Variants in SLC13A3 observed in about 807,000 individuals in gnomAD.
SLC13A3 encodes solute carrier family 13 member 3.
A neutral mutation model predicts 59.0 loss-of-function variants in SLC13A3; 40 were observed. The observed-to-expected ratio is 0.68, with a 90% CI of 0.53 to 0.88. The LOEUF (loss-of-function observed/expected upper bound fraction) is 0.88, where lower values mean the gene tolerates loss of function less well. SLC13A3 is among the 40% of genes least tolerant of loss of function. The pLI is 0.00. For synonymous variants in SLC13A3, 317 were observed against 330.3 expected (o/e 0.96, Z 0.44); for missense variants, 699 against 783.2 (o/e 0.89, Z 1.28).
At chr20:46,671,813 A>T (rs930430349), upstream of SLC13A3, among the ~76,000 whole-genome samples, 2 of 152,168 alleles carry the variant, frequency 1.3e-5, no homozygotes, top group East Asian at 3.9e-4. Flanking sequence ...CTCTGAGCTG[A>T]GGGCCTCCCT....
chr20:46,674,885 C>T (rs991134472), upstream of SLC13A3, among the ~76,000 whole-genome samples: 2 of 152,046 alleles, frequency 1.3e-5, no homozygotes, highest in African/African-American at 4.8e-5. Flanking sequence ...AATACAGAGG[C>T]TGTGGGGGGC....
intron 1 of SLC13A3, among the ~76,000 whole-genome samples, chr20:46,618,371 G>T (rs1793417194): frequency 6.6e-6 from 1 of 152,218 alleles, no homozygotes; most frequent in African/African-American, 2.4e-5. Context: ...TGGAGCAAAG[G>T]TGAAAGGCAG....
intron 1 of SLC13A3, chr20:46,676,122 T>C (rs1023619646): frequency 1.3e-5 from 2 of 152,176 alleles, no homozygotes; most frequent in Non-Finnish European, 2.9e-5. Flanking sequence ...TTGGCCAGAC[T>C]GGTCTTAAAC....
chr20:46,582,435 A>AT (rs3092446), intron 9 of SLC13A3, among the ~76,000 whole-genome samples: 123 of 131,020 alleles, frequency 9.4e-4, no homozygotes, highest in South Asian at 4.5e-3. Context: ...GCCTGCTACA[A>AT]TTTTTTTTTT....
intron 2 of SLC13A3, among the ~76,000 whole-genome samples, chr20:46,611,875 C>G (rs2062497813): frequency 6.6e-6 from 1 of 152,038 alleles, no homozygotes; most frequent in African/African-American, 2.4e-5. Flanking sequence ...AGCTTAGAAC[C>G]CTTTAAAGCA....
chr20:46,563,738 T>C (rs847064), intron 11 of SLC13A3, among the ~76,000 whole-genome samples, 187 bp from the exon 12 acceptor site: 113,852 of 151,966 alleles, frequency 0.75, 42,987 homozygotes, highest in East Asian at 0.84. Context: ...AAGAGAGAGT[T>C]AGAGAGACAG....
chr20:46,573,518 T>C (rs574424391), intron 10 of SLC13A3, among the ~76,000 whole-genome samples: 1 of 152,250 alleles, frequency 6.6e-6, no homozygotes, highest in Admixed American at 6.5e-5. Context: ...ATGAAGCCCG[T>C]GCTTCCGAAT....
At chr20:46,626,652 G>A (rs1444307240) in intron 1 of SLC13A3, among the ~76,000 whole-genome samples, 1 of 152,152 alleles carries the variant, frequency 6.6e-6, no homozygotes, top group Non-Finnish European at 1.5e-5. Context: ...CCAGACATCT[G>A]GTGGAGAATT....
chr20:46,680,836 A>G (rs992708940), intron 1 of SLC13A3, among the ~76,000 whole-genome samples: 2 of 152,182 alleles, frequency 1.3e-5, no homozygotes, highest in African/African-American at 4.8e-5. Context: ...GCTCAACTGT[A>G]TCTGAGTCTG....
intron 5 of SLC13A3, among the ~76,000 whole-genome samples, chr20:46,595,652 CA>C (rs1288770278): frequency 1.3e-5 from 2 of 152,184 alleles, no homozygotes; most frequent in African/African-American, 4.8e-5. Context: ...TTTGTCTTCT[CA>C]CCTTCCCTTC....
At chr20:46,582,934 T>C (rs1188647210) in intron 9 of SLC13A3, 2 of 985,290 alleles carry the variant, frequency 2.0e-6, no homozygotes, top group Admixed American at 6.1e-5. Context: ...AGGTACTCAG[T>C]GATTTTTTAA....
intron 10 of SLC13A3, among the ~76,000 whole-genome samples, chr20:46,568,401 CAAAAAAAAAAAAAAAAA>C (rs66526539): frequency 1.7e-5 from 1 of 58,696 alleles, no homozygotes; most frequent in African/African-American, 5.2e-5. Context: ...GACTCCATCT[CAAAAAAAAAAAAAAAAA>C]AAAAAAAAAT....
chr20:46,603,975 A>G (rs1043857626), intron 3 of SLC13A3, among the ~76,000 whole-genome samples: 1 of 149,722 alleles, frequency 6.7e-6, no homozygotes, highest in African/African-American at 2.5e-5. Flanking sequence ...TGGGTGACAG[A>G]GCAAGACGCC....
In SLC13A3 at chr20:46,576,971, T is replaced by C. The variant is rs530281403; in HGVS notation, c.1220-1286A>G. Among the ~76,000 whole-genome samples, 8 of 152,162 alleles carry C rather than the reference T, an allele frequency of 5.3e-5. No individual in the cohort carries two copies. The South Asian group carries it at 1.7e-3, about 32-fold the overall frequency. On this transcript the variant is annotated intron_variant, in intron 9 of 12. Transcript: ENST00000279027. Reference sequence around the variant, plus strand: ...CAGGTGTATGCAATCCACAGGTGTATGCAGTCCACAGGTGCATGCAGTCCA... The same window carrying C: ...CAGGTGTATGCAATCCACAGGTGTACGCAGTCCACAGGTGCATGCAGTCCA...
chr20:46,651,205 G>T, intron 1 of SLC13A3, 106 bp downstream of exon 1: 14 of 1,366,228 alleles, frequency 1.0e-5, no homozygotes, highest in Non-Finnish European at 1.3e-5. Context: ...GGGGTCTGGT[G>T]GAGCCTGTCT....
intron 10 of SLC13A3, among the ~76,000 whole-genome samples, chr20:46,571,706 G>A (rs2062029396): frequency 6.6e-6 from 1 of 152,078 alleles, no homozygotes; most frequent in Non-Finnish European, 1.5e-5. Flanking sequence ...CATTTGGGGG[G>A]TAGATGTGGT....
intron 1 of SLC13A3, among the ~76,000 whole-genome samples, chr20:46,675,248 G>A (rs999621236): frequency 6.6e-6 from 1 of 151,872 alleles, no homozygotes; most frequent in Non-Finnish European, 1.5e-5. Flanking sequence ...TTGTTTTTAG[G>A]AGATGGAGTC....
chr20:46,612,377 A>C (rs567425210), intron 2 of SLC13A3, among the ~76,000 whole-genome samples: 1 of 151,498 alleles, frequency 6.6e-6, no homozygotes, highest in East Asian at 1.9e-4. Context: ...CAAGCAATCC[A>C]CCTGCCTCAG....
At chr20:46,561,353 G>A (rs1000423775) in intron 12 of SLC13A3, among the ~76,000 whole-genome samples, 2 of 152,126 alleles carry the variant, frequency 1.3e-5, no homozygotes, top group Admixed American at 6.5e-5. Flanking sequence ...TGTCACAGGC[G>A]TATGTCCTTA....
Sources: allele counts gnomAD v4.1 joint callset (sites outside exome capture counted in the v4.1 genomes callset), GRCh38; gene constraint gnomAD v4.1.1; transcripts MANE v1.5; gene names NCBI Gene and HGNC (gene_info 2026-07-23, HGNC 2026-07-21).